The following CAPZB variants were observed in gnomAD, a reference collection of about 807,000 sequenced individuals.
CAPZB encodes the protein F-actin-capping protein subunit beta.
In CAPZB, 2 loss-of-function variants were observed where a neutral mutation model predicts 38.1. That is an observed-to-expected ratio of 0.05 (90% CI 0.02 to 0.17). CAPZB has a LOEUF of 0.17. CAPZB is among the 10% of genes least tolerant of loss of function. The pLI, the probability that CAPZB is intolerant of heterozygous loss-of-function variation, is 1.00. For synonymous variants in CAPZB, 107 were observed against 127.4 expected (o/e 0.84, Z 1.08); for missense variants, 161 against 334.2 (o/e 0.48, Z 4.04).
At chr1:19,422,726 CAAA>C (rs1376963715) in intron 1 of CAPZB, among the ~76,000 whole-genome samples, 100 of 111,086 alleles carry the variant, frequency 9.0e-4, no homozygotes, top group African/African-American at 4.0e-3. Context: ...GACTCCATCT[CAAA>C]AACAACAACA....
At chr1:19,430,331 G>A (rs75287297) in intron 1 of CAPZB, among the ~76,000 whole-genome samples, 4,784 of 152,258 alleles carry the variant, frequency 0.031, 169 homozygotes, top group Non-Finnish European at 0.039. Context: ...CATCCCTCCA[G>A]GAAGTGAAAT....
intron 1 of CAPZB, among the ~76,000 whole-genome samples, chr1:19,435,542 C>T (rs999940228): frequency 6.6e-6 from 1 of 152,206 alleles, no homozygotes; most frequent in African/African-American, 2.4e-5. Flanking sequence ...GCACGGCAGG[C>T]GCTGACTTAG....
At chr1:19,467,849 C>T (rs962398217) in intron 1 of CAPZB, among the ~76,000 whole-genome samples, 5 of 152,230 alleles carry the variant, frequency 3.3e-5, no homozygotes, top group Admixed American at 6.5e-5. Flanking sequence ...ATCGTTTCCA[C>T]ACCAGCATCA....
At chr1:19,393,043 G>C (rs187609421) in intron 2 of CAPZB, among the ~76,000 whole-genome samples, 15 of 152,156 alleles carry the variant, frequency 9.9e-5, no homozygotes, top group African/African-American at 3.4e-4. Context: ...CCACTACTTA[G>C]TGTAGAGAAA....
At chr1:19,450,449 A>G (rs1255691547) in intron 1 of CAPZB, among the ~76,000 whole-genome samples, 1 of 152,220 alleles carries the variant, frequency 6.6e-6, no homozygotes, top group African/African-American at 2.4e-5. Context: ...AAATTTTCAC[A>G]TTAGGGATAC....
intron 1 of CAPZB, among the ~76,000 whole-genome samples, chr1:19,471,028 C>T (rs961628727): frequency 1.2e-4 from 18 of 152,194 alleles, no homozygotes; most frequent in Admixed American, 1.2e-3. Context: ...ATGCCTGAAA[C>T]CTTGGATAGT....
intron 2 of CAPZB, among the ~76,000 whole-genome samples, chr1:19,405,483 C>T (rs936937302): frequency 1.4e-5 from 2 of 147,274 alleles, no homozygotes; most frequent in African/African-American, 2.5e-5. Flanking sequence ...CTTTAAAACA[C>T]CTGATGTACA....
intron 3 of CAPZB, among the ~76,000 whole-genome samples, chr1:19,384,512 C>A (rs916866533): frequency 6.6e-6 from 1 of 152,220 alleles, no homozygotes; most frequent in Non-Finnish European, 1.5e-5. Flanking sequence ...AAAAGACCAG[C>A]GACAATAAGT....
intron 8 of CAPZB, among the ~76,000 whole-genome samples, chr1:19,340,661 A>G (rs988444414): frequency 5.3e-5 from 8 of 151,856 alleles, no homozygotes; most frequent in African/African-American, 1.9e-4. Flanking sequence ...GTGAGACCCC[A>G]TCTCTACAAC....
intron 1 of CAPZB, among the ~76,000 whole-genome samples, chr1:19,465,823 C>T (rs1053853346): frequency 2.6e-5 from 4 of 152,138 alleles, no homozygotes; most frequent in Admixed American, 2.0e-4. Context: ...TTACTATGTC[C>T]CAGGTGCTAC....
At chr1:19,351,836 T>A (rs1262785602) in intron 6 of CAPZB, among the ~76,000 whole-genome samples, 1 of 152,134 alleles carries the variant, frequency 6.6e-6, no homozygotes, top group African/African-American at 2.4e-5. Context: ...CTCAGCCGCC[T>A]CCTGCCAGGG....
chr1:19,350,684 G>A (rs1448821392), intron 6 of CAPZB, among the ~76,000 whole-genome samples: 10 of 151,988 alleles, frequency 6.6e-5, no homozygotes, highest in Non-Finnish European at 1.0e-4. Flanking sequence ...TTGTCACCAC[G>A]GCTCACTGCA....
intron 1 of CAPZB, among the ~76,000 whole-genome samples, chr1:19,431,151 A>G (rs1263119989): frequency 6.6e-6 from 1 of 152,226 alleles, no homozygotes; most frequent in Non-Finnish European, 1.5e-5. Flanking sequence ...TCTCTTTAGT[A>G]CACAGTTTAG....
At chr1:19,354,598 T>A (rs555931684) in intron 6 of CAPZB, among the ~76,000 whole-genome samples, 1 of 152,306 alleles carries the variant, frequency 6.6e-6, no homozygotes, top group African/African-American at 2.4e-5. Flanking sequence ...GGCCAAGGTG[T>A]GCTGAGGACA....
intron 2 of CAPZB, among the ~76,000 whole-genome samples, chr1:19,413,464 A>G (rs12404362): frequency 0.23 from 34,605 of 152,040 alleles, 4,303 homozygotes; most frequent in East Asian, 0.46. Context: ...TTCCTGGGTA[A>G]CTGGGACCAC....
intron 3 of CAPZB, among the ~76,000 whole-genome samples, chr1:19,379,881 G>A (rs552924189): frequency 1.0e-3 from 159 of 152,120 alleles, no homozygotes; most frequent in South Asian, 6.6e-3. Context: ...AAGACAACAT[G>A]GAATTCAGAA....
At chr1:19,377,922 T>G (rs1221023845) in intron 4 of CAPZB, among the ~76,000 whole-genome samples, 1 of 152,186 alleles carries the variant, frequency 6.6e-6, no homozygotes, top group African/African-American at 2.4e-5. Context: ...AGGAAGATGT[T>G]TGCTGCTCTG....
intron 1 of CAPZB, among the ~76,000 whole-genome samples, chr1:19,420,886 G>A (rs906259237): frequency 4.6e-5 from 7 of 152,286 alleles, no homozygotes; most frequent in East Asian, 3.9e-4. Context: ...GGAACAGAGC[G>A]GAGGCAAGGC....
At chr1:19,454,882 G>C (rs1011423139) in intron 1 of CAPZB, among the ~76,000 whole-genome samples, 7 of 152,246 alleles carry the variant, frequency 4.6e-5, no homozygotes, top group African/African-American at 1.7e-4. Flanking sequence ...ACTGCAGCAT[G>C]AAAGTGCCTC....
Sources: gnomAD v4.1 joint callset for allele counts (sites outside exome capture counted in the v4.1 genomes callset) on GRCh38, gnomAD v4.1.1 for gene constraint, MANE v1.5 for transcripts, NCBI Gene and HGNC (gene_info 2026-07-23, HGNC 2026-07-21) for gene names.